Variants in CCDC191 observed in about 807,000 individuals in gnomAD.
CCDC191 encodes coiled-coil domain containing 191, also known as coiled-coil domain-containing protein 191.
In CCDC191, 99 loss-of-function variants were observed where a neutral mutation model predicts 114.0. The ratio of observed to expected loss-of-function variants is 0.87; its 90% CI spans 0.74 to 1.03. CCDC191 has a LOEUF of 1.03. Ranked by LOEUF, CCDC191 falls within the 50% of genes least tolerant of loss-of-function variation. The pLI is 0.00. For missense variants in CCDC191, 973 were observed against 1,087.0 expected (o/e 0.90, Z 1.47); for synonymous variants, 351 against 376.0 (o/e 0.93, Z 0.77).
intron 8 of CCDC191, among the ~76,000 whole-genome samples, chr3:114,014,053 T>C (rs1354773385): frequency 6.6e-6 from 1 of 152,180 alleles, no homozygotes; most frequent in Non-Finnish European, 1.5e-5. Context: ...ACTAGATATC[T>C]GCAAAGTGTC....
chr3:114,052,971 T>C (rs567025864), intron 2 of CCDC191, among the ~76,000 whole-genome samples: 121 of 152,322 alleles, frequency 7.9e-4, no homozygotes, highest in African/African-American at 2.7e-3. Context: ...TGAAATGATT[T>C]AATGGCACTT....
intron 16 of CCDC191, among the ~76,000 whole-genome samples, chr3:113,977,225 A>C (rs1423778576): frequency 6.6e-6 from 1 of 152,176 alleles, no homozygotes; most frequent in Non-Finnish European, 1.5e-5. Context: ...TGAACCCAGG[A>C]GGCAGAGGTT....
rs1252366022 is a variant in CCDC191 at position 114,006,615 on chromosome 3, T to TATAA, written c.1414-657_1414-654dup. ...ATATATATATATATATATATATATATATAAATATATATATTTTATATATAA... is the reference window on the plus strand; with the variant it reads ...ATATATATATATATATATATATATATATAAATAAATATATATATTTTATATATAA... On this transcript the variant is annotated intron_variant, in intron 9 of 16. Coordinates refer to ENST00000295878, the MANE Select transcript of CCDC191 (RefSeq NM_020817.2). Among the ~76,000 whole-genome samples the TATAA allele has an allele frequency of 2.0e-3, 166 of 84,404 alleles. 1 individual carries two copies. The highest frequency in any genetic ancestry group is 7.7e-3 in the Middle Eastern group (1 of 130). The allele number at this position is 84,404 out of a possible 152,430, so 55.4% of individuals were successfully genotyped here.
intron 9 of CCDC191, among the ~76,000 whole-genome samples, chr3:114,009,496 C>G (rs1337686262): frequency 6.6e-6 from 1 of 151,956 alleles, no homozygotes; most frequent in East Asian, 1.9e-4. Flanking sequence ...TACAAACACA[C>G]ATATTAGCCA....
intron 13 of CCDC191, among the ~76,000 whole-genome samples, chr3:113,981,420 G>A (rs565637054): frequency 6.6e-6 from 1 of 152,116 alleles, no homozygotes; most frequent in South Asian, 2.1e-4. Flanking sequence ...CTTAATGATC[G>A]ACCCTATAGA....
chr3:114,053,466 C>A, intron 2 of CCDC191, 131 bp downstream of exon 2: 1 of 476,052 alleles, frequency 2.1e-6, no homozygotes, highest in Non-Finnish European at 3.7e-6. Context: ...AAAATTAAGG[C>A]AACTTACATA....
At chr3:113,975,089 C>T (rs969846340) in intron 16 of CCDC191, among the ~76,000 whole-genome samples, 1 of 152,134 alleles carries the variant, frequency 6.6e-6, no homozygotes, top group South Asian at 2.1e-4. Context: ...TGCATGTATG[C>T]ATTTTCTGGG....
intron 7 of CCDC191, among the ~76,000 whole-genome samples, chr3:114,019,601 T>C (rs2076215396): frequency 6.6e-6 from 1 of 152,198 alleles, no homozygotes; most frequent in African/African-American, 2.4e-5. Context: ...ACATTCCTTC[T>C]AGATCAAATT....
intron 2 of CCDC191, among the ~76,000 whole-genome samples, chr3:114,049,159 A>G (rs186726206): frequency 2.4e-4 from 37 of 152,390 alleles, no homozygotes; most frequent in African/African-American, 7.9e-4. Context: ...GACATGAGCC[A>G]GAAGAAAACA....
At chr3:114,035,378 C>G (rs1193018955) in intron 5 of CCDC191, among the ~76,000 whole-genome samples, 1 of 152,098 alleles carries the variant, frequency 6.6e-6, no homozygotes, top group East Asian at 1.9e-4. Flanking sequence ...TGGGAATGAT[C>G]CACATCACAG....
chr3:114,023,877 G>A (rs2076279528), intron 7 of CCDC191, among the ~76,000 whole-genome samples: 1 of 151,938 alleles, frequency 6.6e-6, no homozygotes, highest in Non-Finnish European at 1.5e-5. Flanking sequence ...AAACTAAAGA[G>A]CTTCTGCACA....
Position 113,978,184 on chromosome 3 carries a change from AC to A in CCDC191, c.2606+1del. 6.2e-7 allele frequency: 1 copy of A among 1,613,794 alleles called. No individual in the cohort carries two copies. The highest frequency in any genetic ancestry group is 8.5e-7 in the Non-Finnish European group (1 of 1,179,848). ...GAATTTTCCTCACTATCAAAACCTC[AC>A]CTGTCACTGTGCTCCGCTGCAATCT... On this transcript the variant is annotated splice_donor_variant, in intron 16 of 16. Coordinates refer to ENST00000295878, the MANE Select transcript of CCDC191 (RefSeq NM_020817.2). LOFTEE classifies it high-confidence loss of function.
rs750762956 is a variant in CCDC191 at position 113,980,766 on chromosome 3, T to C, written c.2191A>G (p.Lys731Glu). 6.2e-7 allele frequency: 1 copy of C among 1,608,598 alleles called. No homozygotes were observed. The highest frequency in any genetic ancestry group is 1.1e-5 in the South Asian group (1 of 89,382). Residue 731 changes from lysine (K) to glutamate (E), a missense_variant, in exon 14 of 17, where the codon AAG (lysine) becomes GAG (glutamate). Transcript: ENST00000295878. ...MKELEKQKRI[K>E]RNQQLEAIAK... ...ATTGCTTCCAGCTGCTGGTTCCTCT[T>C]AATTCTCTTCTGCTTCTCAAGTTCT... is the stretch of plus-strand genomic sequence containing the variant.
intron 16 of CCDC191, among the ~76,000 whole-genome samples, chr3:113,967,276 C>T (rs1022864851): frequency 7.2e-5 from 11 of 152,180 alleles, no homozygotes; most frequent in Admixed American, 7.2e-4. Context: ...TGGCTACACT[C>T]CTGTTCTCTG....
At position 114,011,565 on chromosome 3, in the gene CCDC191, A is replaced by C. The variant is rs532248231; in HGVS notation, c.1164-544T>G. ...AGAACTGGTCAGGGAAAGGACTGCT[A>C]AAGAGAAGGACTCATTTACCAAACC... On this transcript the variant is annotated intron_variant, in intron 8 of 16. Transcript: ENST00000295878. Among the ~76,000 whole-genome samples the C allele has an allele frequency of 5.3e-5, 8 of 152,336 alleles. No individual in the cohort carries two copies. The East Asian group carries it at 1.3e-3, about 26-fold the overall frequency.
intron 16 of CCDC191, among the ~76,000 whole-genome samples, chr3:113,969,209 A>T (rs769284687): frequency 6.6e-6 from 1 of 152,248 alleles, no homozygotes; most frequent in Non-Finnish European, 1.5e-5. Context: ...CTTCCGTCCA[A>T]CATTGAGGAT....
intron 13 of CCDC191, among the ~76,000 whole-genome samples, chr3:113,992,574 T>C (rs1265619869): frequency 1.3e-5 from 2 of 151,830 alleles, no homozygotes; most frequent in Non-Finnish European, 2.9e-5. Context: ...ACGGGGACTG[T>C]TGTGGGATGG....
intron 2 of CCDC191, among the ~76,000 whole-genome samples, chr3:114,051,716 C>T (rs1322113532): frequency 2.6e-5 from 4 of 152,160 alleles, no homozygotes; most frequent in African/African-American, 9.7e-5. Flanking sequence ...CCTTCTTTCA[C>T]ATAAAGAGGT....
intron 2 of CCDC191, 190 bp from the exon 3 acceptor site, chr3:114,046,922 AAATT>A: frequency 1.0e-6 from 1 of 967,732 alleles, no homozygotes; most frequent in Non-Finnish European, 1.2e-6. Flanking sequence ...ATATAATATT[AAATT>A]AATTGCAGTA....
Sources: allele counts gnomAD v4.1 joint callset (sites outside exome capture counted in the v4.1 genomes callset), GRCh38; gene constraint gnomAD v4.1.1; transcripts MANE v1.5; gene names NCBI Gene and HGNC (gene_info 2026-07-23, HGNC 2026-07-21).